Variants in RELN observed in about 807,000 individuals in gnomAD.
RELN encodes reelin.
Under a neutral mutation model 427.6 loss-of-function variants are expected in RELN, and 108 were observed. That is an observed-to-expected ratio of 0.25 (90% CI 0.22 to 0.30). The LOEUF (loss-of-function observed/expected upper bound fraction) is 0.30. RELN is among the 10% of genes least tolerant of loss of function. RELN has a pLI of 1.00. For synonymous variants in RELN, 1,524 were observed against 1,513.4 expected, an observed-to-expected ratio of 1.01 and a Z score of -0.16; for missense variants, 3,715 against 4,302.8, an observed-to-expected ratio of 0.86 and a Z score of 3.82.
At chr7:103,589,567 C>T (rs1315868812) in intron 28 of RELN, 29 bp downstream of exon 28, 2 of 1,465,706 alleles carry the variant, frequency 1.4e-6, no homozygotes, top group Non-Finnish European at 1.9e-6. Flanking sequence ...TTCTTAATGG[C>T]CCAAACCCAT....
At chr7:103,556,788 A>G (rs749002117) in intron 38 of RELN, among the ~76,000 whole-genome samples, 189 bp downstream of exon 38, 8 of 152,124 alleles carry the variant, frequency 5.3e-5, no homozygotes, top group Non-Finnish European at 8.8e-5. Context: ...TTTTCTTCCC[A>G]GTCTGGGTTT....
At chr7:103,672,902 G>A (rs1354820907) in intron 11 of RELN, among the ~76,000 whole-genome samples, 1 of 151,746 alleles carries the variant, frequency 6.6e-6, no homozygotes, top group Admixed American at 6.6e-5. Flanking sequence ...ATCCCTTTTT[G>A]GTCTTTTAAT....
intron 52 of RELN, among the ~76,000 whole-genome samples, chr7:103,501,779 C>CA (rs1479748502): frequency 2.0e-5 from 3 of 152,186 alleles, no homozygotes; most frequent in African/African-American, 7.2e-5. Flanking sequence ...GGTGGGTCCC[C>CA]AGCATCCATT....
At chr7:103,850,312 T>G (rs940002928) in intron 2 of RELN, among the ~76,000 whole-genome samples, 1 of 152,190 alleles carries the variant, frequency 6.6e-6, no homozygotes, top group South Asian at 2.1e-4. Context: ...CTCCTCTCCC[T>G]AACATAGGCC....
intron 31 of RELN, among the ~76,000 whole-genome samples, chr7:103,568,546 A>G (rs1275958336): frequency 6.6e-6 from 1 of 152,184 alleles, no homozygotes; most frequent in African/African-American, 2.4e-5. Flanking sequence ...ACCAAAGTTC[A>G]TGAAGAAAAT....
chr7:103,938,590 CTAA>C, intron 1 of RELN, among the ~76,000 whole-genome samples: 1 of 152,166 alleles, frequency 6.6e-6, no homozygotes, highest in Non-Finnish European at 1.5e-5. Flanking sequence ...GTGCAAATTT[CTAA>C]TAATAACTGA....
chr7:103,945,340 T>C (rs145442246), intron 1 of RELN, among the ~76,000 whole-genome samples: 1 of 152,278 alleles, frequency 6.6e-6, no homozygotes, highest in East Asian at 1.9e-4. Context: ...ATTACAGAGA[T>C]TACACTCCTG....
intron 3 of RELN, among the ~76,000 whole-genome samples, chr7:103,785,542 T>C (rs1791994235): frequency 6.6e-6 from 1 of 152,180 alleles, no homozygotes; most frequent in Middle Eastern, 3.2e-3. Flanking sequence ...CCATGATTTA[T>C]ACTGTGTCAC....
intron 2 of RELN, among the ~76,000 whole-genome samples, chr7:103,860,232 TTCA>T (rs1408475597): frequency 6.6e-6 from 1 of 152,198 alleles, no homozygotes; most frequent in Non-Finnish European, 1.5e-5. Context: ...ACACTTAATA[TTCA>T]TCATATCATG....
intron 4 of RELN, among the ~76,000 whole-genome samples, chr7:103,755,613 A>C (rs1323889042): frequency 3.9e-5 from 3 of 76,628 alleles, no homozygotes; most frequent in African/African-American, 1.7e-4. Flanking sequence ...GTCTCAAAAA[A>C]AAAATAAAAA....
At chr7:103,898,047 A>G (rs1362099527) in intron 2 of RELN, among the ~76,000 whole-genome samples, 2 of 152,106 alleles carry the variant, frequency 1.3e-5, no homozygotes, top group African/African-American at 2.4e-5. Context: ...AACTGACTCA[A>G]TGCTAGTACT....
intron 4 of RELN, among the ~76,000 whole-genome samples, chr7:103,754,417 G>A (rs1338584247): frequency 2.6e-5 from 4 of 151,832 alleles, no homozygotes; most frequent in East Asian, 3.9e-4. Context: ...TTAGGAAATC[G>A]TTATCAAGCA....
At chr7:103,649,650 C>T (rs758345141) in intron 16 of RELN, among the ~76,000 whole-genome samples, 2 of 151,872 alleles carry the variant, frequency 1.3e-5, no homozygotes, top group Non-Finnish European at 2.9e-5. Flanking sequence ...AGACATGCAA[C>T]CCAAGAGCTT....
chr7:103,914,734 T>C (rs1795446774), intron 2 of RELN, among the ~76,000 whole-genome samples: 1 of 152,134 alleles, frequency 6.6e-6, no homozygotes, highest in Non-Finnish European at 1.5e-5. Flanking sequence ...AGATGAATAC[T>C]GCATCTACAA....
intron 11 of RELN, among the ~76,000 whole-genome samples, chr7:103,674,165 T>C (rs1833458129): frequency 6.6e-6 from 1 of 151,464 alleles, no homozygotes; most frequent in Admixed American, 6.6e-5. Flanking sequence ...TAGCTCTGCC[T>C]ATACTGATAT....
chr7:103,903,990 GCTCT>G (rs1045323542), intron 2 of RELN, among the ~76,000 whole-genome samples: 12 of 152,070 alleles, frequency 7.9e-5, no homozygotes, highest in Middle Eastern at 3.4e-3. Flanking sequence ...TTGTCCTAAT[GCTCT>G]CTCTACCTTC....
rs1830936565 is a variant in RELN, at chr7:103,573,861, C to A, written c.4511+231G>T. ...AAATCAAGCTGGCATACCCTAGACA[C>A]ACAGGCCTTGGTGATGACCACACAT... On this transcript the variant is annotated intron_variant, in intron 30 of 64. Coordinates refer to ENST00000428762, the MANE Select transcript of RELN (RefSeq NM_005045.4). The surrounding 1 kb of genome is among the most constrained non-coding windows in gnomAD (Gnocchi z 4.4). Among the ~76,000 whole-genome samples, 1 of 152,194 alleles carries A rather than the reference C, an allele frequency of 6.6e-6. No homozygotes were observed. Among genetic ancestry groups the A allele is most frequent in the African/African-American group, 2.4e-5 (1 of 41,442 alleles).
chr7:103,688,650 C>A (rs1238836215), intron 10 of RELN, among the ~76,000 whole-genome samples: 1 of 151,690 alleles, frequency 6.6e-6, no homozygotes. Context: ...TATATTTTTT[C>A]TCCATTGATG....
chr7:103,779,569 C>T (rs1205863352), intron 3 of RELN, among the ~76,000 whole-genome samples: 1 of 152,178 alleles, frequency 6.6e-6, no homozygotes. Flanking sequence ...TGTCACACCA[C>T]TGGTGGCAAA....
Sources: gnomAD v4.1 joint callset for allele counts (sites outside exome capture counted in the v4.1 genomes callset) on GRCh38, gnomAD v4.1.1 for gene constraint, Gnocchi (gnomAD v3.1) non-coding constraint, MANE v1.5 for transcripts, NCBI Gene and HGNC (gene_info 2026-07-23, HGNC 2026-07-21) for gene names.